The following PKNOX1 variants were observed in gnomAD, a reference collection of about 807,000 sequenced individuals.
The protein encoded by PKNOX1 is homeobox protein PKNOX1.
PKNOX1 carries 15 observed loss-of-function variants against 51.9 expected under a neutral mutation model. The observed-to-expected ratio is 0.29, with a 90% CI of 0.19 to 0.45. PKNOX1 has a LOEUF of 0.45. PKNOX1 is among the 20% of genes least tolerant of loss of function. The probability of loss-of-function intolerance (pLI) is 1.00; values close to 1 mark genes in which losing one functional copy is unlikely to be tolerated. For synonymous variants in PKNOX1, 219 were observed against 211.1 expected (o/e 1.04, Z -0.32); for missense variants, 462 against 547.5 (o/e 0.84, Z 1.56).
At chr21:42,975,564 C>G (rs868314437) in intron 1 of PKNOX1, among the ~76,000 whole-genome samples, 2 of 152,234 alleles carry the variant, frequency 1.3e-5, no homozygotes, top group Non-Finnish European at 1.5e-5. Flanking sequence ...GCGGAGTCTG[C>G]TTTATGTCAT....
intron 3 of PKNOX1, among the ~76,000 whole-genome samples, chr21:43,008,098 A>AC (rs1568897490): frequency 4.5e-5 from 5 of 112,268 alleles, no homozygotes; most frequent in African/African-American, 2.2e-4. Flanking sequence ...CACACACACA[A>AC]AGATGTTATT....
At chr21:43,009,252 A>G (rs1268654066) in intron 3 of PKNOX1, among the ~76,000 whole-genome samples, 3 of 149,748 alleles carry the variant, frequency 2.0e-5, no homozygotes, top group African/African-American at 4.9e-5. Context: ...GTTTGAGACC[A>G]TCCTGACCAA....
intron 1 of PKNOX1, among the ~76,000 whole-genome samples, chr21:42,990,315 A>G (rs2059080255): frequency 6.6e-6 from 1 of 152,156 alleles, no homozygotes; most frequent in Non-Finnish European, 1.5e-5. Flanking sequence ...CTTCCTGGAA[A>G]CATCCATGTT....
Position 43,033,565 on chromosome 21 carries a change from A to G in PKNOX1, c.*3464A>G, listed in dbSNP as rs913665474. The G allele has an allele frequency of 3.3e-5, 5 of 152,538 alleles. No homozygotes were observed. The highest frequency in any genetic ancestry group is 7.3e-5 in the Non-Finnish European group (5 of 68,040). The allele number at this position is 152,538 out of a possible 1,614,324, so 9.4% of individuals were successfully genotyped here. A position where few individuals can be genotyped will look rare whatever the true frequency, so the allele number is the denominator to read the frequency against. On this transcript the variant is annotated 3_prime_UTR_variant, in exon 11 of 11. Coordinates refer to ENST00000291547, the MANE Select transcript of PKNOX1 (RefSeq NM_004571.5). ...TGATTTATCAAAGCAAAAAAATTAA[A>G]AATAGAAACTTGCTTTATGGATGTT... is the stretch of plus-strand genomic sequence containing the variant.
chr21:43,006,174 A>T (rs1225921569), intron 2 of PKNOX1, among the ~76,000 whole-genome samples: 2 of 151,932 alleles, frequency 1.3e-5, no homozygotes, highest in African/African-American at 2.4e-5. Context: ...CCCCGGCTGG[A>T]GTGCAGTGGT....
chr21:42,995,695 A>G (rs1285033397), intron 1 of PKNOX1, among the ~76,000 whole-genome samples: 1 of 152,122 alleles, frequency 6.6e-6, no homozygotes, highest in East Asian at 1.9e-4. Flanking sequence ...AAAAAATGAA[A>G]TGTATCTTGT....
chr21:42,982,747 A>AAAT (rs963659292), intron 1 of PKNOX1, among the ~76,000 whole-genome samples: 10 of 150,802 alleles, frequency 6.6e-5, no homozygotes, highest in African/African-American at 2.4e-4. Context: ...AAAAAAAAAA[A>AAAT]GTTTAATAAA....
intron 1 of PKNOX1, among the ~76,000 whole-genome samples, chr21:42,985,570 A>G (rs2059047881): frequency 6.6e-6 from 1 of 151,904 alleles, no homozygotes; most frequent in Non-Finnish European, 1.5e-5. Flanking sequence ...CCTGACTTCA[A>G]ATAAGTTGCC....
At position 43,031,596 on chromosome 21, in the gene PKNOX1, T is replaced by C. The variant is rs2146302901; in HGVS notation, c.*1495T>C. On this transcript the variant is annotated 3_prime_UTR_variant, in exon 11 of 11. Coordinates refer to ENST00000291547, the MANE Select transcript of PKNOX1 (RefSeq NM_004571.5). Reference sequence around the variant, plus strand: ...ACAGGCCACGGTGTTTCATACAGAATGTCTTCATATCATCTGAAATGGTAT... The same window carrying C: ...ACAGGCCACGGTGTTTCATACAGAACGTCTTCATATCATCTGAAATGGTAT... 1 of 152,440 alleles carries C rather than the reference T, an allele frequency of 6.6e-6. No individual in the cohort carries two copies. Among genetic ancestry groups the C allele is most frequent in the East Asian group, 1.9e-4 (1 of 5,190 alleles). The allele number at this position is 152,440 out of a possible 1,614,324, so 9.4% of individuals were successfully genotyped here.
chr21:43,033,620 C>G lies in PKNOX1; in HGVS notation c.*3519C>G, dbSNP rs1980375768. 1 of 152,196 alleles carries G rather than the reference C, an allele frequency of 6.6e-6. No homozygotes were observed. Among genetic ancestry groups the G allele is most frequent in the East Asian group, 1.9e-4 (1 of 5,202 alleles). 9.4% of individuals were successfully genotyped at this position (152,196 alleles called of 1,614,324 possible). ...TTTATAAAGCTCATGTCACCAAAAGCTGCTTCTCCATTTTATGTAAAACAT... is the reference window on the plus strand; with the variant it reads ...TTTATAAAGCTCATGTCACCAAAAGGTGCTTCTCCATTTTATGTAAAACAT... On this transcript the variant is annotated 3_prime_UTR_variant, in exon 11 of 11. Coordinates refer to ENST00000291547, the MANE Select transcript of PKNOX1 (RefSeq NM_004571.5).
chr21:43,012,999 A>G (rs943634809), intron 4 of PKNOX1, 69 bp from the exon 5 acceptor site: 3 of 1,250,612 alleles, frequency 2.4e-6, no homozygotes, highest in Admixed American at 4.2e-5. Context: ...AAGAACTGGT[A>G]TGTAGGATCA....
At chr21:43,006,729 C>T (rs574463075) in intron 2 of PKNOX1, among the ~76,000 whole-genome samples, 2 of 152,292 alleles carry the variant, frequency 1.3e-5, no homozygotes, top group South Asian at 2.1e-4. Flanking sequence ...CCCCCGCTGC[C>T]CCAAGCTGCT....
chr21:42,995,306 T>C lies in PKNOX1; in HGVS notation c.-56-9020T>C, dbSNP rs565267277. Among the ~76,000 whole-genome samples, 224 of 152,306 alleles carry C rather than the reference T, an allele frequency of 1.5e-3. 1 individual carries two copies. Among genetic ancestry groups the C allele is most frequent in the Middle Eastern group, 0.01 (3 of 294 alleles). On this transcript the variant is annotated intron_variant, in intron 1 of 10. Coordinates refer to ENST00000291547, the MANE Select transcript of PKNOX1 (RefSeq NM_004571.5). ...GTGTCCTGAGGATTGGACTCACAGC[T>C]TGCATTTTAGGAAGGACTGCACAGA...
chr21:43,010,773 A>G (rs1300189594), intron 4 of PKNOX1, among the ~76,000 whole-genome samples: 1 of 152,058 alleles, frequency 6.6e-6, no homozygotes, highest in Non-Finnish European at 1.5e-5. Flanking sequence ...CTGAGGCAGG[A>G]GAATCACTTG....
chr21:42,995,608 G>A (rs1177509384), intron 1 of PKNOX1, among the ~76,000 whole-genome samples: 1 of 152,318 alleles, frequency 6.6e-6, no homozygotes, highest in Admixed American at 6.5e-5. Context: ...AACCTGGGAG[G>A]TTGAGGCTGC....
chr21:43,022,534 T>G (rs1979807876), intron 8 of PKNOX1, among the ~76,000 whole-genome samples: 1 of 152,108 alleles, frequency 6.6e-6, no homozygotes, highest in Non-Finnish European at 1.5e-5. Context: ...GAGCCTGGGC[T>G]GCGCCTCTTC....
Position 43,030,027 on chromosome 21 carries a change from G to A in PKNOX1, c.1237G>A (p.Glu413Lys). 1 of 1,614,052 alleles carries A rather than the reference G, an allele frequency of 6.2e-7. No individual in the cohort carries two copies. Among genetic ancestry groups the A allele is most frequent in the South Asian group, 1.1e-5 (1 of 91,084 alleles). The change falls in exon 11 of 11, where the codon GAG becomes AAG. Residue 413 changes from glutamate to lysine, a missense_variant. Glu to Lys is a moderately conservative substitution (Grantham distance 56). This residue lies in a region of PKNOX1 where 118 missense variants were observed against 116.8 expected (regional missense o/e 1.01). Coordinates refer to ENST00000291547, the MANE Select transcript of PKNOX1 (RefSeq NM_004571.5). ...QSEDESVDST[E>K]EDAGALAPAH... ...CGAGGACGAGTCTGTGGACAGCACAGAGGAGGATGCGGGTGCCCTGGCCCC... is the reference window on the plus strand; with the variant it reads ...CGAGGACGAGTCTGTGGACAGCACAAAGGAGGATGCGGGTGCCCTGGCCCC...
At chr21:42,998,543 G>T (rs911987049) in intron 1 of PKNOX1, among the ~76,000 whole-genome samples, 34 of 152,146 alleles carry the variant, frequency 2.2e-4, no homozygotes, top group Non-Finnish European at 1.3e-4. Context: ...TCCCTTCCAT[G>T]TATGAGCCTG....
intron 9 of PKNOX1, among the ~76,000 whole-genome samples, chr21:43,027,479 G>C (rs1187506686): frequency 1.3e-5 from 2 of 152,190 alleles, no homozygotes; most frequent in African/African-American, 4.8e-5. Context: ...CTAGGGATTT[G>C]AGTCTCCTTG....
Sources: allele counts gnomAD v4.1 joint callset (sites outside exome capture counted in the v4.1 genomes callset), GRCh38; gene constraint gnomAD v4.1.1; regional missense constraint gnomAD v4.1.1; transcripts MANE v1.5; gene names NCBI Gene and HGNC (gene_info 2026-07-23, HGNC 2026-07-21).